Variants in JPH3 observed in about 807,000 individuals in gnomAD.
JPH3 encodes the protein junctophilin 3.
Under a neutral mutation model 59.6 loss-of-function variants are expected in JPH3, and 11 were observed. That is an observed-to-expected ratio of 0.18 (90% CI 0.12 to 0.31). JPH3 has a LOEUF of 0.31. Ranked by LOEUF, JPH3 falls within the 10% of genes least tolerant of loss-of-function variation. The pLI is 1.00. For synonymous variants in JPH3, 673 were observed against 483.6 expected (o/e 1.39, Z -5.14); for missense variants, 1,202 against 1,105.7 (o/e 1.09, Z -1.24).
chr16:87,644,461 T>C lies in JPH3; in HGVS notation c.586T>C (p.Phe196Leu). The C allele has an allele frequency of 1.9e-6, 3 of 1,612,518 alleles. No individual in the cohort carries two copies. The highest frequency in any genetic ancestry group is 2.5e-6 in the Non-Finnish European group (3 of 1,179,686). The change falls in exon 2 of 5, where the codon TTC becomes CTC. Residue 196 changes from phenylalanine to leucine, a missense_variant. By Grantham distance (22) the Phe-to-Leu change is conservative. Transcript: ENST00000284262. Reference sequence around the variant, plus strand: ...CAGCCCGGCCGTGTCCCGCGGGGGCTTCGTGCTCGTGGCCCACAGTGACTC... The same window carrying C: ...CAGCCCGGCCGTGTCCCGCGGGGGCCTCGTGCTCGTGGCCCACAGTGACTC... Reference protein sequence around the residue: ...AGSPAVSRGGFVLVAHSDSEI... With the variant: ...AGSPAVSRGGLVLVAHSDSEI...
intron 1 of JPH3, among the ~76,000 whole-genome samples, chr16:87,620,457 A>AGAGAGAGGGAGAGAAGGAGAG (rs1555534444): frequency 0.1 from 9,516 of 94,664 alleles, 743 homozygotes; most frequent in Middle Eastern, 0.12. Flanking sequence ...AGAGAGAAGG[A>AGAGAGAGGGAGAGAAGGAGAG]GAGAGAGGGA....
chr16:87,665,804 C>A (rs549517361), intron 2 of JPH3, among the ~76,000 whole-genome samples: 1 of 152,198 alleles, frequency 6.6e-6, no homozygotes, highest in African/African-American at 2.4e-5. Flanking sequence ...TTGATGAGGC[C>A]GATGGGGCAA....
In JPH3 at chr16:87,660,474, C is replaced by G. The variant is rs111791972; in HGVS notation, c.1160+15439C>G. 2.6e-3 allele frequency among the ~76,000 whole-genome samples: 394 copies of G among 152,292 alleles called. 2 individuals carry two copies. The highest frequency in any genetic ancestry group is 9.0e-3 in the African/African-American group (372 of 41,558). On this transcript the variant is annotated intron_variant, in intron 2 of 4. Transcript: ENST00000284262. ...CCAAGCTAATTCGGTTCCGTGCTCC[C>G]CTTTTGCCCACCCCCACCAGAGGCC...
At chr16:87,643,781 G>C (rs1308802780) in intron 1 of JPH3, among the ~76,000 whole-genome samples, 2 of 152,168 alleles carry the variant, frequency 1.3e-5, no homozygotes, top group Non-Finnish European at 2.9e-5. Context: ...ACAGCCACTG[G>C]TGATAGAAGT....
Position 87,696,595 on chromosome 16 carries a change from C to G in JPH3, c.2182C>G (p.Leu728Val), listed in dbSNP as rs1447404935. ...LKSSTGSAPI[L>V]VVMVILLNIG... ...TCTCTTCCAGGGCTCAGCGCCTATC[C>G]TGGTGGTCATGGTGATCTTGCTCAA... The change falls in exon 5 of 5, where the codon CTG becomes GTG. Residue 728 changes from leucine (L) to valine (V), a missense_variant. Leu to Val is a conservative substitution (Grantham distance 32). Coordinates refer to ENST00000284262, the MANE Select transcript of JPH3 (RefSeq NM_020655.4). 1 of 1,613,510 alleles carries G rather than the reference C, an allele frequency of 6.2e-7. No individual in the cohort carries two copies. The highest frequency in any genetic ancestry group is 1.7e-5 in the Admixed American group (1 of 60,026).
chr16:87,674,323 A>G (rs946947002), intron 2 of JPH3, among the ~76,000 whole-genome samples: 1 of 148,428 alleles, frequency 6.7e-6, no homozygotes, highest in African/African-American at 2.5e-5. Context: ...ACAGAGCGAG[A>G]CTCCGTCTCA....
intron 1 of JPH3, among the ~76,000 whole-genome samples, chr16:87,629,042 C>T (rs3909284): frequency 0.023 from 3,534 of 152,154 alleles, 89 homozygotes; most frequent in African/African-American, 0.063. Flanking sequence ...TCCAAGGCTC[C>T]TTCCAGGCTC....
At chr16:87,687,493 G>C (rs766648999) in intron 3 of JPH3, among the ~76,000 whole-genome samples, 1 of 152,168 alleles carries the variant, frequency 6.6e-6, no homozygotes, top group African/African-American at 2.4e-5. Flanking sequence ...CCAAGGCCAC[G>C]TGAAGGCAGG....
intron 2 of JPH3, chr16:87,653,731 T>C (rs1222561622): frequency 2.6e-5 from 4 of 152,124 alleles, no homozygotes; most frequent in Non-Finnish European, 4.4e-5. Flanking sequence ...GTGACTGTAA[T>C]TGGAAATAGG....
At chr16:87,625,620 A>G (rs867363626) in intron 1 of JPH3, among the ~76,000 whole-genome samples, 1 of 152,142 alleles carries the variant, frequency 6.6e-6, no homozygotes, top group Admixed American at 6.5e-5. Flanking sequence ...CTCACAGCGC[A>G]GACTGGGGGA....
chr16:87,605,282 T>C (rs940094788), intron 1 of JPH3, among the ~76,000 whole-genome samples: 2 of 152,228 alleles, frequency 1.3e-5, no homozygotes, highest in African/African-American at 2.4e-5. Context: ...AGCACCCCAC[T>C]CTGCCCACGC....
At chr16:87,671,421 C>T (rs2033012349) in intron 2 of JPH3, among the ~76,000 whole-genome samples, 1 of 152,220 alleles carries the variant, frequency 6.6e-6, no homozygotes, top group African/African-American at 2.4e-5. Context: ...GCTCATGTGC[C>T]AGGTGACTCA....
At chr16:87,685,672 A>T (rs1378746405) in intron 3 of JPH3, among the ~76,000 whole-genome samples, 1 of 152,270 alleles carries the variant, frequency 6.6e-6, no homozygotes, top group Non-Finnish European at 1.5e-5. Context: ...CTCCACGCAG[A>T]ATGCACGTAG....
intron 2 of JPH3, among the ~76,000 whole-genome samples, chr16:87,646,904 T>G (rs1045230216): frequency 3.3e-5 from 5 of 152,162 alleles, no homozygotes. Context: ...TGGGGGGACC[T>G]GCGACCTGAG....
At chr16:87,693,781 G>C (rs1272441010) in intron 4 of JPH3, 1 of 152,528 alleles carries the variant, frequency 6.6e-6, no homozygotes, top group Non-Finnish European at 1.5e-5. Flanking sequence ...AGTCGGGGGT[G>C]CCCCTGCCAG....
At position 87,690,540 on chromosome 16, in the gene JPH3, C is replaced by T. The variant is rs775981027; in HGVS notation, c.2166+14C>T. 9.6e-6 allele frequency: 14 copies of T among 1,457,234 alleles called. No individual in the cohort carries two copies. Among genetic ancestry groups the T allele is most frequent in the African/African-American group, 1.4e-5 (1 of 69,978 alleles). 90.3% of individuals were successfully genotyped at this position (1,457,234 alleles called of 1,614,324 possible). On this transcript the variant is annotated intron_variant, in intron 4 of 4. Transcript: ENST00000284262. ...AAGTCCAGTACGGTGAGTGGGCGGC[C>T]ACCAGGCTGGTCCCAGTGGAGGCAA...
chr16:87,630,420 GC>G (rs1249605202), intron 1 of JPH3, among the ~76,000 whole-genome samples: 1 of 152,168 alleles, frequency 6.6e-6, no homozygotes, highest in African/African-American at 2.4e-5. Flanking sequence ...TCACGAACCT[GC>G]CCCTTCCTGG....
intron 2 of JPH3, among the ~76,000 whole-genome samples, chr16:87,650,150 C>G (rs1309679794): frequency 1.3e-5 from 2 of 152,206 alleles, no homozygotes; most frequent in Non-Finnish European, 2.9e-5. Flanking sequence ...GTGCCGTTTT[C>G]CCAACAGCAC....
rs572233594 is a variant in JPH3, at chr16:87,675,538, C to T, written c.1161-8604C>T. 1.3e-3 allele frequency among the ~76,000 whole-genome samples: 200 copies of T among 152,266 alleles called. 2 individuals are homozygous for T. Among genetic ancestry groups the T allele is most frequent in the African/African-American group, 4.4e-3 (183 of 41,554 alleles). The stretch of plus-strand genomic sequence containing the variant: ...AGACACTGCTGCAGCCGGAGGCTGC[C>T]GGCAGCCCGCAGTGGCACAGCCGTG... On this transcript the variant is annotated intron_variant, in intron 2 of 4. Transcript: ENST00000284262.
Sources: gnomAD v4.1 joint callset for allele counts (sites outside exome capture counted in the v4.1 genomes callset) on GRCh38, gnomAD v4.1.1 for gene constraint, MANE v1.5 for transcripts, NCBI Gene and HGNC (gene_info 2026-07-23, HGNC 2026-07-21) for gene names.